The following RABGAP1L variants were observed in gnomAD, a reference collection of about 807,000 sequenced individuals.
The protein encoded by RABGAP1L is rab GTPase-activating protein 1-like.
A neutral mutation model predicts 137.7 loss-of-function variants in RABGAP1L; 63 were observed. The ratio of observed to expected loss-of-function variants is 0.46; its 90% CI spans 0.37 to 0.56. The LOEUF (loss-of-function observed/expected upper bound fraction) is 0.56, where lower values mean the gene tolerates loss of function less well. RABGAP1L is among the 20% of genes least tolerant of loss of function. The probability of loss-of-function intolerance (pLI) is 0.00; values close to 1 mark genes in which losing one functional copy is unlikely to be tolerated. For synonymous variants in RABGAP1L, 431 were observed against 433.7 expected (o/e 0.99, Z 0.08); for missense variants, 1,095 against 1,244.0 (o/e 0.88, Z 1.80).
intron 17 of RABGAP1L, among the ~76,000 whole-genome samples, chr1:174,740,526 T>C (rs1241823731): frequency 6.6e-6 from 1 of 152,216 alleles, no homozygotes; most frequent in Non-Finnish European, 1.5e-5. Context: ...CTTGAGTGTT[T>C]TAAAGCCTCC....
rs1687551035 is a variant in RABGAP1L at position 174,787,609 on chromosome 1, G to A, written c.2212-24223G>A. On this transcript the variant is annotated intron_variant, in intron 18 of 25. Coordinates refer to ENST00000681986, the MANE Select transcript of RABGAP1L (RefSeq NM_001366446.1). ...CAAGGTGACAGATGCAATTGGAAAG[G>A]TAGGATAGATCTAGCTTGTCTGAAG... Among the ~76,000 whole-genome samples the A allele has an allele frequency of 2.6e-5, 4 of 152,170 alleles. No homozygotes were observed. In the South Asian group the frequency reaches 8.3e-4, roughly 31 times the overall value.
chr1:174,987,080 A>G (rs912572624), intron 24 of RABGAP1L, among the ~76,000 whole-genome samples: 8 of 152,324 alleles, frequency 5.3e-5, no homozygotes, highest in Admixed American at 4.6e-4. Flanking sequence ...TGGTTTATGG[A>G]TGGGATGAGA....
intron 18 of RABGAP1L, among the ~76,000 whole-genome samples, chr1:174,784,290 A>T (rs1687288924): frequency 6.6e-6 from 1 of 152,006 alleles, no homozygotes; most frequent in African/African-American, 2.4e-5. Context: ...AAGTGCTGGG[A>T]TTACAGGCTT....
chr1:174,248,666 T>C (rs1672464071), intron 5 of RABGAP1L, among the ~76,000 whole-genome samples: 1 of 152,182 alleles, frequency 6.6e-6, no homozygotes, highest in Non-Finnish European at 1.5e-5. Context: ...AGACTGTGTG[T>C]GCTTGTACAA....
intron 13 of RABGAP1L, among the ~76,000 whole-genome samples, chr1:174,525,664 TC>T (rs1663811926): frequency 6.6e-6 from 1 of 152,190 alleles, no homozygotes; most frequent in Non-Finnish European, 1.5e-5. Context: ...GGCTGGAACT[TC>T]CAGTACTGTG....
intron 13 of RABGAP1L, among the ~76,000 whole-genome samples, chr1:174,602,281 G>A (rs1324287167): frequency 6.6e-6 from 1 of 152,170 alleles, no homozygotes; most frequent in African/African-American, 2.4e-5. Flanking sequence ...AGAATCGCTG[G>A]GAGGCTAAAG....
At chr1:174,420,186 G>A (rs561610629) in intron 13 of RABGAP1L, among the ~76,000 whole-genome samples, 96 of 147,844 alleles carry the variant, frequency 6.5e-4, no homozygotes, top group Non-Finnish European at 1.2e-3. Flanking sequence ...AAGGTTCTTG[G>A]AGGCCCAACC....
At chr1:174,168,972 A>C (rs1052433404) in intron 1 of RABGAP1L, among the ~76,000 whole-genome samples, 1 of 152,216 alleles carries the variant, frequency 6.6e-6, no homozygotes, top group African/African-American at 2.4e-5. Context: ...AATATCCACC[A>C]TTCTGTATGT....
chr1:174,230,491 T>C (rs1019913990), intron 3 of RABGAP1L, among the ~76,000 whole-genome samples: 2 of 152,192 alleles, frequency 1.3e-5, no homozygotes, highest in Non-Finnish European at 2.9e-5. Context: ...TCTGTGAAGA[T>C]AAGCTGATAA....
chr1:174,437,731 A>G (rs1653579524), intron 13 of RABGAP1L, among the ~76,000 whole-genome samples: 1 of 151,908 alleles, frequency 6.6e-6, no homozygotes, highest in Admixed American at 6.6e-5. Context: ...CCACAAAGAT[A>G]CTCCTCGAGA....
intron 13 of RABGAP1L, among the ~76,000 whole-genome samples, chr1:174,615,712 G>C (rs1402240155): frequency 6.6e-6 from 1 of 152,196 alleles, no homozygotes; most frequent in Non-Finnish European, 1.5e-5. Context: ...AGGCCTCCTT[G>C]AGCTGTGGTG....
In RABGAP1L at chr1:174,800,228, T is replaced by A. The variant is rs116671102; in HGVS notation, c.2212-11604T>A. 1.8e-3 allele frequency: 2,589 copies of A among 1,434,660 alleles called. 46 individuals carry two copies. In the African/African-American group the frequency reaches 0.034, roughly 19 times the overall value. 88.9% of individuals were successfully genotyped at this position (1,434,660 alleles called of 1,614,324 possible). On this transcript the variant is annotated intron_variant, in intron 18 of 25. Transcript: ENST00000681986. ...ACAATTCCCACCACAGACTGGCTTGTACGTCCTCCCAGGGAGACCTAAACC... is the reference window on the plus strand; with the variant it reads ...ACAATTCCCACCACAGACTGGCTTGAACGTCCTCCCAGGGAGACCTAAACC...
chr1:174,511,122 G>T (rs888815287), intron 13 of RABGAP1L, among the ~76,000 whole-genome samples: 20 of 152,154 alleles, frequency 1.3e-4, no homozygotes, highest in African/African-American at 4.8e-4. Context: ...ATAGATGTTT[G>T]AAACACCTTT....
chr1:174,625,513 A>T (rs1487487427), intron 13 of RABGAP1L, among the ~76,000 whole-genome samples: 1 of 152,038 alleles, frequency 6.6e-6, no homozygotes, highest in Non-Finnish European at 1.5e-5. Context: ...AGATCACTGG[A>T]GCCTCGCCTC....
At chr1:174,241,414 C>T in intron 4 of RABGAP1L, 69 bp from the exon 5 acceptor site, 2 of 1,065,896 alleles carry the variant, frequency 1.9e-6, no homozygotes, top group Non-Finnish European at 1.3e-6. Flanking sequence ...AAAAAAAAAC[C>T]TAACTGGAAA....
intron 11 of RABGAP1L, among the ~76,000 whole-genome samples, chr1:174,314,714 T>A (rs1389932678): frequency 6.6e-6 from 1 of 152,196 alleles, no homozygotes; most frequent in Non-Finnish European, 1.5e-5. Flanking sequence ...TTTCACGAAA[T>A]TTTTCAATTT....
chr1:174,961,845 CAAAAAAAAAAAAA>C (rs61233451), intron 20 of RABGAP1L, among the ~76,000 whole-genome samples: 2 of 88,728 alleles, frequency 2.3e-5, no homozygotes, highest in Non-Finnish European at 4.7e-5. Context: ...GACTCTGTCT[CAAAAAAAAAAAAA>C]AAAAAAAAAA....
At chr1:174,438,451 G>A (rs1653689913) in intron 13 of RABGAP1L, among the ~76,000 whole-genome samples, 1 of 151,938 alleles carries the variant, frequency 6.6e-6, no homozygotes, top group Non-Finnish European at 1.5e-5. Context: ...GGGCGCAGTG[G>A]CTCACGTCTG....
intron 1 of RABGAP1L, among the ~76,000 whole-genome samples, chr1:174,208,919 G>A (rs192876767): frequency 6.6e-6 from 1 of 152,152 alleles, no homozygotes; most frequent in Non-Finnish European, 1.5e-5. Context: ...CAGTTTATCA[G>A]CTTGGCCATA....
Sources: gnomAD v4.1 joint callset for allele counts (sites outside exome capture counted in the v4.1 genomes callset) on GRCh38, gnomAD v4.1.1 for gene constraint, MANE v1.5 for transcripts, NCBI Gene and HGNC (gene_info 2026-07-23, HGNC 2026-07-21) for gene names.